The following PM20D2 variants were observed in gnomAD, a reference collection of about 807,000 sequenced individuals.
PM20D2 encodes the protein xaa-Arg dipeptidase.
A neutral mutation model predicts 42.9 loss-of-function variants in PM20D2; 33 were observed. The ratio of observed to expected loss-of-function variants is 0.77; its 90% CI spans 0.58 to 1.03. The LOEUF is 1.03. Ranked by LOEUF, PM20D2 falls within the 50% of genes least tolerant of loss-of-function variation. The pLI is 0.00. For missense variants in PM20D2, 548 were observed against 557.0 expected, an observed-to-expected ratio of 0.98 and a Z score of 0.16; for synonymous variants, 250 against 228.2, an observed-to-expected ratio of 1.10 and a Z score of -0.86.
chr6:89,126,181 G>A, the PM20D2 span, among the ~76,000 whole-genome samples: 4 of 152,004 alleles, frequency 2.6e-5, no homozygotes, highest in South Asian at 8.3e-4. Flanking sequence ...GATGGCTTGA[G>A]CCCAGAAGTT....
chr6:89,125,101 A>C, the PM20D2 span, among the ~76,000 whole-genome samples: 4 of 152,112 alleles, frequency 2.6e-5, no homozygotes, highest in Admixed American at 2.6e-4. Context: ...ATTCTGACAA[A>C]AATGTGGAGG....
chr6:89,118,245 A>G, the PM20D2 span, among the ~76,000 whole-genome samples: 9 of 152,066 alleles, frequency 5.9e-5, no homozygotes, highest in African/African-American at 2.2e-4. Context: ...AGGAGGGCGG[A>G]GGCCAAGAGG....
chr6:89,138,888 CAAATA>C, the PM20D2 span, among the ~76,000 whole-genome samples: 1 of 151,848 alleles, frequency 6.6e-6, no homozygotes, highest in Admixed American at 6.6e-5. Context: ...AATAAATAAA[CAAATA>C]AATAAATATC....
At chr6:89,108,166 G>A in the PM20D2 span, among the ~76,000 whole-genome samples, 1 of 152,174 alleles carries the variant, frequency 6.6e-6, no homozygotes, top group East Asian at 1.9e-4. Flanking sequence ...AGGTGCTTCA[G>A]AAGGGGTACC....
the PM20D2 span, among the ~76,000 whole-genome samples, chr6:89,100,863 G>C: frequency 6.6e-6 from 1 of 152,066 alleles, no homozygotes; most frequent in Non-Finnish European, 1.5e-5. Context: ...ATCCCACTTT[G>C]GGAGGCCAAG....
the PM20D2 span, among the ~76,000 whole-genome samples, chr6:89,112,299 G>A: frequency 1.3e-5 from 2 of 152,034 alleles, no homozygotes; most frequent in African/African-American, 4.8e-5. Context: ...AAGCCTTTTA[G>A]TGTCTTCTGC....
At chr6:89,098,764 A>G in the PM20D2 span, 1 of 1,613,950 alleles carries the variant, frequency 6.2e-7, no homozygotes, top group South Asian at 1.1e-5. Context: ...TCTGCTTTTG[A>G]GGTGAACTTG....
At chr6:89,135,261 G>C in the PM20D2 span, among the ~76,000 whole-genome samples, 3 of 151,204 alleles carry the variant, frequency 2.0e-5, no homozygotes, top group African/African-American at 7.4e-5. Context: ...TTGTAATGTA[G>C]TTTTCTATAG....
intron 5 of PM20D2, 130 bp downstream of exon 5, chr6:89,158,590 TTATGG>T: frequency 9.7e-7 from 1 of 1,027,622 alleles, no homozygotes; most frequent in Non-Finnish European, 1.4e-6. Flanking sequence ...TTCACAAACT[TTATGG>T]TTAGGGGAAA....
chr6:89,141,657 C>T (rs937350568), upstream of PM20D2, among the ~76,000 whole-genome samples: 6 of 152,150 alleles, frequency 3.9e-5, no homozygotes, highest in African/African-American at 7.2e-5. Context: ...TGAGCCACCA[C>T]GCCTGGCCTG....
chr6:89,119,618 A>G, the PM20D2 span, among the ~76,000 whole-genome samples: 1 of 152,160 alleles, frequency 6.6e-6, no homozygotes, highest in African/African-American at 2.4e-5. Context: ...ACAGAAATTT[A>G]TTCTCTTGTA....
the PM20D2 span, among the ~76,000 whole-genome samples, chr6:89,140,655 T>C: frequency 1.8e-4 from 28 of 152,274 alleles, no homozygotes; most frequent in Admixed American, 5.9e-4. Context: ...GTCTTTGCAG[T>C]GTTGTTTTGT....
chr6:89,099,065 T>A, the PM20D2 span: 1 of 1,238,794 alleles, frequency 8.1e-7, no homozygotes, highest in Non-Finnish European at 1.1e-6. Context: ...CTAGATAAGC[T>A]AAAAAAATTT....
intron 1 of PM20D2, among the ~76,000 whole-genome samples, chr6:89,148,876 C>T (rs1290396152): frequency 2.0e-5 from 3 of 152,240 alleles, no homozygotes; most frequent in Non-Finnish European, 2.9e-5. Context: ...GTTTCTGACT[C>T]GTAAAGTACT....
At chr6:89,095,992 A>C in the PM20D2 span, 1 of 152,226 alleles carries the variant, frequency 6.6e-6, no homozygotes, top group African/African-American at 2.4e-5. Flanking sequence ...TAATAAACAA[A>C]GTATCTCTCT....
Position 89,163,761 on chromosome 6 carries a change from C to A in PM20D2, c.*1498C>A, listed in dbSNP as rs1771323252. On this transcript the variant is annotated 3_prime_UTR_variant, in exon 7 of 7. Coordinates refer to ENST00000275072, the MANE Select transcript of PM20D2 (RefSeq NM_001010853.3). ...GTATAGGTGGACCTGCTTGAGGTAT[C>A]TTTGTTTTTATGGAACATTTTTATT... 6.6e-6 allele frequency: 1 copy of A among 152,124 alleles called. No individual in the cohort carries two copies. The highest frequency in any genetic ancestry group is 1.5e-5 in the Non-Finnish European group (1 of 68,014). 9.4% of individuals were successfully genotyped at this position (152,124 alleles called of 1,614,324 possible).
chr6:89,138,537 C>T, the PM20D2 span, among the ~76,000 whole-genome samples: 3 of 152,022 alleles, frequency 2.0e-5, no homozygotes, highest in Non-Finnish European at 2.9e-5. Flanking sequence ...AAAAAATTGG[C>T]CAGCTATCAC....
upstream of PM20D2, among the ~76,000 whole-genome samples, chr6:89,142,669 A>ATTT (rs1562239684): frequency 6.6e-6 from 1 of 151,532 alleles, no homozygotes; most frequent in Non-Finnish European, 1.5e-5. Flanking sequence ...TATTATTATT[A>ATTT]TTTTTTGAGA....
rs1173060704 is a variant in PM20D2 at position 89,163,139 on chromosome 6, C to G, written c.*876C>G. 1 of 152,124 alleles carries G rather than the reference C, an allele frequency of 6.6e-6. No homozygotes were observed. Among genetic ancestry groups the G allele is most frequent in the Admixed American group, 6.5e-5 (1 of 15,268 alleles). 9.4% of individuals were successfully genotyped at this position (152,124 alleles called of 1,614,324 possible). A position where few individuals can be genotyped will look rare whatever the true frequency, so the allele number is the denominator to read the frequency against. The stretch of plus-strand genomic sequence containing the variant: ...TACAGTATCTAGCATATTGCTTACT[C>G]TGAATATTCAGTACTTTTTGAATAA... On this transcript the variant is annotated 3_prime_UTR_variant, in exon 7 of 7. Coordinates refer to ENST00000275072, the MANE Select transcript of PM20D2 (RefSeq NM_001010853.3).
Sources: gnomAD v4.1 joint callset for allele counts (sites outside exome capture counted in the v4.1 genomes callset) on GRCh38, gnomAD v4.1.1 for gene constraint, MANE v1.5 for transcripts, NCBI Gene and HGNC (gene_info 2026-07-23, HGNC 2026-07-21) for gene names.